Variants in AGBL1 observed in about 807,000 individuals in gnomAD.
The protein encoded by AGBL1 is AGBL carboxypeptidase 1, also known as cytosolic carboxypeptidase 4.
Under a neutral mutation model 118.9 loss-of-function variants are expected in AGBL1, and 130 were observed. The observed-to-expected ratio is 1.09, with a 90% CI of 0.95 to 1.26. The LOEUF (loss-of-function observed/expected upper bound fraction) is 1.26, where lower values mean the gene tolerates loss of function less well. AGBL1 is among the 50% of genes most tolerant of loss of function. The pLI is 0.00. For missense variants in AGBL1, 1,584 were observed against 1,298.1 expected (o/e 1.22, Z -3.38); for synonymous variants, 555 against 478.9 (o/e 1.16, Z -2.08).
At chr15:86,738,868 G>A (rs1386981092) in intron 22 of AGBL1, among the ~76,000 whole-genome samples, 1 of 152,142 alleles carries the variant, frequency 6.6e-6, no homozygotes, top group South Asian at 2.1e-4. Flanking sequence ...GCCAGGCTTG[G>A]TGGCTCACGC....
chr15:86,919,288 C>A (rs572899264), downstream of AGBL1, among the ~76,000 whole-genome samples: 6 of 152,308 alleles, frequency 3.9e-5, no homozygotes, highest in South Asian at 1.2e-3. Flanking sequence ...TCTACCTTTT[C>A]CTGTCTCTGT....
At chr15:86,187,977 A>G (rs986992266) in intron 5 of AGBL1, among the ~76,000 whole-genome samples, 2 of 152,230 alleles carry the variant, frequency 1.3e-5, no homozygotes, top group African/African-American at 4.8e-5. Flanking sequence ...TAGATACAGT[A>G]CAGAAAGGCC....
At chr15:86,110,616 G>C (rs1250434351) in intron 1 of AGBL1, among the ~76,000 whole-genome samples, 1 of 152,080 alleles carries the variant, frequency 6.6e-6, no homozygotes, top group African/African-American at 2.4e-5. Context: ...TGCTGTCCAA[G>C]GGCCAACTCT....
chr15:86,774,442 G>A (rs375027331), intron 22 of AGBL1, among the ~76,000 whole-genome samples: 1 of 152,108 alleles, frequency 6.6e-6, no homozygotes, highest in Non-Finnish European at 1.5e-5. Context: ...TTTATTCGTT[G>A]AGCAAATGTT....
At chr15:86,242,629 G>A (rs1475395487) in intron 6 of AGBL1, among the ~76,000 whole-genome samples, 1 of 152,238 alleles carries the variant, frequency 6.6e-6, no homozygotes, top group East Asian at 1.9e-4. Context: ...TCATCTGCAT[G>A]TCTCATTTCT....
At chr15:86,515,823 G>A (rs995327765) in intron 18 of AGBL1, among the ~76,000 whole-genome samples, 3 of 152,186 alleles carry the variant, frequency 2.0e-5, no homozygotes, top group Non-Finnish European at 2.9e-5. Context: ...AATTTAAAAA[G>A]TTTGTTTTGG....
chr15:86,893,359 C>G (rs547997787), intron 22 of AGBL1, among the ~76,000 whole-genome samples: 1 of 152,256 alleles, frequency 6.6e-6, no homozygotes, highest in Admixed American at 6.5e-5. Context: ...AAAGAATCCG[C>G]AAAACTGCGT....
chr15:86,229,883 G>T lies in AGBL1; in HGVS notation c.526+4932G>T, dbSNP rs76520083. Among the ~76,000 whole-genome samples, 516 of 152,284 alleles carry T rather than the reference G, an allele frequency of 3.4e-3. 2 individuals are homozygous for T. Among genetic ancestry groups the T allele is most frequent in the African/African-American group, 0.012 (504 of 41,548 alleles). On this transcript the variant is annotated intron_variant, in intron 6 of 22. Coordinates refer to ENST00000614907, the MANE Select transcript of AGBL1 (RefSeq NM_001386094.1). Reference sequence around the variant, plus strand: ...TCTTGCAACAAGAAAACGCCTTCTGGTTCAGGCCCTAAAACTTAATAAGGG... The same window carrying T: ...TCTTGCAACAAGAAAACGCCTTCTGTTTCAGGCCCTAAAACTTAATAAGGG...
chr15:86,654,747 C>T lies in AGBL1; in HGVS notation c.2995-19526C>T, dbSNP rs192752106. 3.8e-3 allele frequency among the ~76,000 whole-genome samples: 584 copies of T among 152,140 alleles called. 4 individuals carry two copies. Among genetic ancestry groups the T allele is most frequent in the African/African-American group, 0.014 (563 of 41,514 alleles). On this transcript the variant is annotated intron_variant, in intron 21 of 22. Coordinates refer to ENST00000614907, the MANE Select transcript of AGBL1 (RefSeq NM_001386094.1). ...CTGTGGTCATTGACCTCCCAGTCCC[C>T]TTCATGGTAAACCTTTTCTGATGAT... is the stretch of plus-strand genomic sequence containing the variant.
intron 22 of AGBL1, among the ~76,000 whole-genome samples, chr15:86,737,199 A>G (rs2077614699): frequency 6.6e-6 from 1 of 152,048 alleles, no homozygotes; most frequent in East Asian, 1.9e-4. Flanking sequence ...TGACTGGGGG[A>G]AGGGAGCTGG....
chr15:86,422,521 C>T (rs532106705), intron 18 of AGBL1, among the ~76,000 whole-genome samples: 1 of 152,232 alleles, frequency 6.6e-6, no homozygotes, highest in Admixed American at 6.5e-5. Flanking sequence ...GACAAGCTAA[C>T]ATCATAATTA....
intron 23 of AGBL1, among the ~76,000 whole-genome samples, chr15:86,931,381 C>A (rs924399691): frequency 2.0e-5 from 3 of 152,150 alleles, no homozygotes; most frequent in African/African-American, 7.2e-5. Flanking sequence ...ACCTGATTCT[C>A]CTTGCTTGGC....
chr15:86,749,595 C>T lies in AGBL1; in HGVS notation c.3158+75159C>T, dbSNP rs985714750. ...GGCATCCCTGTCTTGTGCCAGTTTA[C>T]AAAGGGAATGCTTCCAGTTTTTGCC... is the stretch of plus-strand genomic sequence containing the variant. On this transcript the variant is annotated intron_variant, in intron 22 of 22. Transcript: ENST00000614907. Among the ~76,000 whole-genome samples the T allele has an allele frequency of 3.9e-5, 6 of 152,164 alleles. No individual in the cohort carries two copies. In the South Asian group the frequency reaches 1.0e-3, roughly 26 times the overall value.
At chr15:86,832,935 A>G (rs562914612) in intron 22 of AGBL1, among the ~76,000 whole-genome samples, 93 of 152,294 alleles carry the variant, frequency 6.1e-4, no homozygotes, top group Admixed American at 1.4e-3. Flanking sequence ...GGTTTAATGG[A>G]CTCACATTTC....
chr15:86,123,474 A>G (rs1262693489), intron 1 of AGBL1, among the ~76,000 whole-genome samples: 3 of 152,136 alleles, frequency 2.0e-5, no homozygotes, highest in Non-Finnish European at 4.4e-5. Flanking sequence ...TCCTGACCTG[A>G]GGTGATCCGC....
At chr15:86,560,123 ATTTTTCTTT>A (rs1044860469) in intron 21 of AGBL1, among the ~76,000 whole-genome samples, 12 of 150,950 alleles carry the variant, frequency 7.9e-5, no homozygotes, top group African/African-American at 1.7e-4. Flanking sequence ...ATTTTATGCA[ATTTTTCTTT>A]TTTTTCTTGT....
At chr15:86,942,387 C>A (rs566807656) in intron 23 of AGBL1, among the ~76,000 whole-genome samples, 1 of 152,130 alleles carries the variant, frequency 6.6e-6, no homozygotes, top group Non-Finnish European at 1.5e-5. Flanking sequence ...ACTCTACTGT[C>A]GGGAAGTTTC....
chr15:86,790,399 C>T (rs2078475086), intron 22 of AGBL1, among the ~76,000 whole-genome samples: 2 of 151,758 alleles, frequency 1.3e-5, no homozygotes, highest in African/African-American at 4.8e-5. Context: ...CACACACAGT[C>T]CTGTATCTTT....
At chr15:86,394,333 T>A (rs2081332273) in intron 17 of AGBL1, among the ~76,000 whole-genome samples, 1 of 152,110 alleles carries the variant, frequency 6.6e-6, no homozygotes, top group Admixed American at 6.6e-5. Flanking sequence ...AAATGCATCA[T>A]CTCCCTTTTT....
Sources: gnomAD v4.1 joint callset for allele counts (sites outside exome capture counted in the v4.1 genomes callset) on GRCh38, gnomAD v4.1.1 for gene constraint, MANE v1.5 for transcripts, NCBI Gene and HGNC (gene_info 2026-07-23, HGNC 2026-07-21) for gene names.